TSPAN13: variants seen among roughly 807,000 people sequenced by gnomAD.
TSPAN13 encodes tetraspanin 13.
In TSPAN13, 18 loss-of-function variants were observed where a neutral mutation model predicts 26.9. That is an observed-to-expected ratio of 0.67 (90% CI 0.46 to 0.99). TSPAN13 has a LOEUF of 0.99. TSPAN13 is among the 50% of genes least tolerant of loss of function. The pLI, the probability that TSPAN13 is intolerant of heterozygous loss-of-function variation, is 0.00. For synonymous variants in TSPAN13, 116 were observed against 98.4 expected (o/e 1.18, Z -1.06); for missense variants, 201 against 249.6 (o/e 0.81, Z 1.31).
chr7:16,782,431 A>G (rs1365079209), intron 5 of TSPAN13, among the ~76,000 whole-genome samples: 1 of 152,266 alleles, frequency 6.6e-6, no homozygotes, highest in East Asian at 1.9e-4. Context: ...TGGCACACGT[A>G]TAAAGTGGGA....
At chr7:16,761,058 C>G (rs1784536135) in intron 1 of TSPAN13, among the ~76,000 whole-genome samples, 1 of 152,162 alleles carries the variant, frequency 6.6e-6, no homozygotes, top group Non-Finnish European at 1.5e-5. Context: ...GGGGTTGGAA[C>G]TTTGTTGGCA....
chr7:16,768,717 A>G (rs1784638772), intron 1 of TSPAN13, among the ~76,000 whole-genome samples: 1 of 152,212 alleles, frequency 6.6e-6, no homozygotes, highest in African/African-American at 2.4e-5. Flanking sequence ...AGTTTTCAAA[A>G]TGAGAAGGTG....
intron 4 of TSPAN13, among the ~76,000 whole-genome samples, chr7:16,778,752 A>G (rs1162877772): frequency 6.6e-6 from 1 of 152,168 alleles, no homozygotes; most frequent in African/African-American, 2.4e-5. Flanking sequence ...GTAAGGTAAC[A>G]TGGAAGTGAC....
chr7:16,773,730 C>T (rs1583793273), intron 1 of TSPAN13, among the ~76,000 whole-genome samples: 1 of 152,062 alleles, frequency 6.6e-6, no homozygotes, highest in South Asian at 2.1e-4. Flanking sequence ...TAGTATAATT[C>T]CCAAAAGGAT....
chr7:16,755,473 C>G (rs1439290619), intron 1 of TSPAN13, among the ~76,000 whole-genome samples: 1 of 151,232 alleles, frequency 6.6e-6, no homozygotes, highest in African/African-American at 2.4e-5. Context: ...CAAAATTCAT[C>G]TGTATCACCC....
At chr7:16,768,880 T>C (rs1205137486) in intron 1 of TSPAN13, among the ~76,000 whole-genome samples, 3 of 148,864 alleles carry the variant, frequency 2.0e-5, no homozygotes, top group Non-Finnish European at 4.4e-5. Flanking sequence ...TCATATCTCT[T>C]ATTTTATTTT....
rs1202940402 is a variant in TSPAN13, at chr7:16,783,519, T to C, written c.*28T>C. 2 of 1,598,088 alleles carry C rather than the reference T, an allele frequency of 1.3e-6. No individual in the cohort carries two copies. The highest frequency in any genetic ancestry group is 1.7e-5 in the Admixed American group (1 of 59,824). On this transcript the variant is annotated 3_prime_UTR_variant, in exon 6 of 6. Transcript: ENST00000262067. ...AGAAAACAAGGAAGATTTCCTTTCG[T>C]ATTATGATCTTGTTCACTTTCTGTA...
At chr7:16,765,181 C>A (rs1784591911) in intron 1 of TSPAN13, among the ~76,000 whole-genome samples, 1 of 152,132 alleles carries the variant, frequency 6.6e-6, no homozygotes, top group African/African-American at 2.4e-5. Context: ...CAGCTCCCTG[C>A]AACCTTGACC....
intron 1 of TSPAN13, among the ~76,000 whole-genome samples, 195 bp downstream of exon 1, chr7:16,754,225 C>T (rs1301401597): frequency 6.6e-6 from 1 of 152,216 alleles, no homozygotes; most frequent in African/African-American, 2.4e-5. Flanking sequence ...CAGTCTCTTC[C>T]TTTCGTTCAT....
intron 1 of TSPAN13, among the ~76,000 whole-genome samples, chr7:16,755,672 G>A (rs1457480157): frequency 6.6e-6 from 1 of 151,470 alleles, no homozygotes; most frequent in African/African-American, 2.4e-5. Flanking sequence ...TAGTCTTACA[G>A]TGCCTGCTTA....
chr7:16,780,642 T>C (rs1784804220), intron 5 of TSPAN13, among the ~76,000 whole-genome samples: 1 of 152,088 alleles, frequency 6.6e-6, no homozygotes, highest in Non-Finnish European at 1.5e-5. Flanking sequence ...AATTTCTCTC[T>C]ACACATCAGC....
intron 1 of TSPAN13, among the ~76,000 whole-genome samples, chr7:16,756,082 C>G (rs1225569642): frequency 1.3e-5 from 2 of 152,132 alleles, no homozygotes; most frequent in Non-Finnish European, 2.9e-5. Context: ...GCTTAAATAA[C>G]TGCAGCAGTT....
At chr7:16,772,275 C>T (rs1784688670) in intron 1 of TSPAN13, among the ~76,000 whole-genome samples, 1 of 152,192 alleles carries the variant, frequency 6.6e-6, no homozygotes, top group Admixed American at 6.5e-5. Context: ...GGTTCTATAA[C>T]AGTGAGAGGT....
Position 16,778,991 on chromosome 7 carries a change from T to G in TSPAN13, c.427-12T>G. The stretch of plus-strand genomic sequence containing the variant: ...TTTTGAAATAAAGGTTTTTTTACTT[T>G]AATTGGTGCAGAGCTGTGTTAAAAG... On this transcript the variant is annotated splice_polypyrimidine_tract_variant and intron_variant, in intron 4 of 5. Transcript: ENST00000262067. 6.4e-7 allele frequency: 1 copy of G among 1,566,214 alleles called. No individual in the cohort carries two copies. The highest frequency in any genetic ancestry group is 8.6e-7 in the Non-Finnish European group (1 of 1,158,230).
At chr7:16,765,611 C>T (rs922996564) in intron 1 of TSPAN13, among the ~76,000 whole-genome samples, 2 of 152,118 alleles carry the variant, frequency 1.3e-5, no homozygotes, top group African/African-American at 4.8e-5. Flanking sequence ...TCCTTTAGTT[C>T]TCTTTTTAAA....
intron 1 of TSPAN13, among the ~76,000 whole-genome samples, chr7:16,769,169 T>C (rs1784645881): frequency 6.6e-6 from 1 of 152,208 alleles, no homozygotes; most frequent in South Asian, 2.1e-4. Context: ...TTTAACTTAT[T>C]TAGTTTTTAA....
In TSPAN13 at chr7:16,763,692, C is replaced by T. The variant is rs1784573690; in HGVS notation, c.63+9662C>T. 2.0e-5 allele frequency among the ~76,000 whole-genome samples: 3 copies of T among 148,902 alleles called. No homozygotes were observed. In the South Asian group the frequency reaches 6.2e-4, roughly 31 times the overall value. Reference sequence around the variant, plus strand: ...TGACCCTGTTGGCTTATGGACCTATCCCTTGGATCAATCACTGTTGATAGA... The same window carrying T: ...TGACCCTGTTGGCTTATGGACCTATTCCTTGGATCAATCACTGTTGATAGA... On this transcript the variant is annotated intron_variant, in intron 1 of 5. Coordinates refer to ENST00000262067, the MANE Select transcript of TSPAN13 (RefSeq NM_014399.4).
chr7:16,772,967 G>C (rs893795518), intron 1 of TSPAN13, among the ~76,000 whole-genome samples: 1 of 152,024 alleles, frequency 6.6e-6, no homozygotes, highest in Non-Finnish European at 1.5e-5. Flanking sequence ...CTGCACTCCA[G>C]CCCGGGTGAG....
chr7:16,765,167 A>C lies in TSPAN13; in HGVS notation c.64-11044A>C, dbSNP rs575438390. 3.6e-3 allele frequency among the ~76,000 whole-genome samples: 546 copies of C among 152,190 alleles called. 5 individuals carry two copies. Among genetic ancestry groups the C allele is most frequent in the African/African-American group, 0.013 (521 of 41,524 alleles). ...GCCCAGGCTGGAGTGCAGTGGCATG[A>C]ACACAGCTCCCTGCAACCTTGACCT... is the stretch of plus-strand genomic sequence containing the variant. On this transcript the variant is annotated intron_variant, in intron 1 of 5. Coordinates refer to ENST00000262067, the MANE Select transcript of TSPAN13 (RefSeq NM_014399.4).
Sources: gnomAD v4.1 joint callset for allele counts (sites outside exome capture counted in the v4.1 genomes callset) on GRCh38, gnomAD v4.1.1 for gene constraint, MANE v1.5 for transcripts, NCBI Gene and HGNC (gene_info 2026-07-23, HGNC 2026-07-21) for gene names.